ZCCHC7: variants seen among roughly 807,000 people sequenced by gnomAD.
ZCCHC7 encodes zinc finger CCHC domain-containing protein 7.
Under a neutral mutation model 52.0 loss-of-function variants are expected in ZCCHC7, and 35 were observed. The observed-to-expected ratio is 0.67, with a 90% confidence interval of 0.51 to 0.89. ZCCHC7 has a LOEUF of 0.89. ZCCHC7 is among the 40% of genes least tolerant of loss of function. The pLI, the probability that ZCCHC7 is intolerant of heterozygous loss-of-function variation, is 0.00. For synonymous variants in ZCCHC7, 217 were observed against 221.5 expected (o/e 0.98, Z 0.18); for missense variants, 574 against 649.1 (o/e 0.88, Z 1.26).
intron 2 of ZCCHC7, among the ~76,000 whole-genome samples, chr9:37,182,583 C>G (rs62535713): frequency 0.14 from 21,669 of 152,026 alleles, 1,776 homozygotes; most frequent in Non-Finnish European, 0.17. Context: ...TGAGGCTGGT[C>G]TCAAACTCCT....
chr9:37,136,099 C>T (rs560186272), intron 2 of ZCCHC7, among the ~76,000 whole-genome samples: 168 of 152,030 alleles, frequency 1.1e-3, no homozygotes, highest in Non-Finnish European at 2.1e-3. Flanking sequence ...GCTGATATAT[C>T]TACTTATCTC....
rs1824474559 is a variant in ZCCHC7, at chr9:37,215,869, A to G, written c.611-86319A>G. The stretch of plus-strand genomic sequence containing the variant: ...ACACATATAAATCAATTTGTAATTG[A>G]TTTAATTGTGTGTGTATATTTTTAA... On this transcript the variant is annotated intron_variant, in intron 2 of 8. Transcript: ENST00000336755. 2.0e-5 allele frequency among the ~76,000 whole-genome samples: 3 copies of G among 152,184 alleles called. No homozygotes were observed. In the South Asian group the frequency reaches 6.2e-4, roughly 32 times the overall value.
chr9:37,330,502 T>A (rs834356), intron 6 of ZCCHC7, among the ~76,000 whole-genome samples: 85,492 of 151,206 alleles, frequency 0.57, 24,821 homozygotes, highest in African/African-American at 0.7. Context: ...AATGATTCTA[T>A]AATTATATAA....
intron 5 of ZCCHC7, among the ~76,000 whole-genome samples, chr9:37,311,832 C>T (rs1030139790): frequency 3.9e-5 from 6 of 152,128 alleles, no homozygotes; most frequent in African/African-American, 1.4e-4. Flanking sequence ...TTAACATACA[C>T]GTGAGTGCTC....
At chr9:37,335,103 T>C (rs1210801815) in intron 6 of ZCCHC7, among the ~76,000 whole-genome samples, 1 of 152,178 alleles carries the variant, frequency 6.6e-6, no homozygotes, top group Non-Finnish European at 1.5e-5. Context: ...TTTCTTTACA[T>C]TGATTTGTGG....
chr9:37,217,909 G>A (rs1383252343), intron 2 of ZCCHC7, among the ~76,000 whole-genome samples: 1 of 152,110 alleles, frequency 6.6e-6, no homozygotes, highest in Admixed American at 6.5e-5. Flanking sequence ...TGAATATTCT[G>A]TTTGGAAATT....
chr9:37,292,757 A>G (rs1564232476), intron 2 of ZCCHC7, among the ~76,000 whole-genome samples: 2 of 152,208 alleles, frequency 1.3e-5, no homozygotes, highest in Non-Finnish European at 2.9e-5. Flanking sequence ...GTATTTTAGT[A>G]TTTTTAGAGT....
intron 5 of ZCCHC7, chr9:37,326,980 A>G (rs780120141): frequency 3.3e-5 from 5 of 152,126 alleles, no homozygotes; most frequent in Admixed American, 6.6e-5. Flanking sequence ...TAAACTGATC[A>G]ACTATACATA....
intron 2 of ZCCHC7, among the ~76,000 whole-genome samples, chr9:37,271,314 T>C (rs913847329): frequency 2.0e-5 from 3 of 152,182 alleles, no homozygotes; most frequent in Admixed American, 6.5e-5. Context: ...CTCTACAGGA[T>C]ATCACTTCAT....
intron 2 of ZCCHC7, among the ~76,000 whole-genome samples, chr9:37,195,282 T>A (rs1416153452): frequency 6.6e-6 from 1 of 152,176 alleles, no homozygotes; most frequent in African/African-American, 2.4e-5. Context: ...AGATCCCTTA[T>A]AAGTGCATCC....
At chr9:37,204,188 T>C (rs1823784637) in intron 2 of ZCCHC7, among the ~76,000 whole-genome samples, 1 of 152,218 alleles carries the variant, frequency 6.6e-6, no homozygotes, top group Non-Finnish European at 1.5e-5. Context: ...TTAAGTTCTT[T>C]GTAAATTCTG....
At chr9:37,178,996 G>C (rs1822205771) in intron 2 of ZCCHC7, among the ~76,000 whole-genome samples, 10 of 152,064 alleles carry the variant, frequency 6.6e-5, no homozygotes, top group Admixed American at 5.9e-4. Flanking sequence ...GTGTTTGACT[G>C]TCTATTCTTG....
At chr9:37,175,569 C>G (rs2133011328) in intron 2 of ZCCHC7, among the ~76,000 whole-genome samples, 1 of 152,124 alleles carries the variant, frequency 6.6e-6, no homozygotes, top group African/African-American at 2.4e-5. Flanking sequence ...CAGCCCATCT[C>G]TACTAAAAAT....
At chr9:37,210,851 G>A (rs890605294) in intron 2 of ZCCHC7, among the ~76,000 whole-genome samples, 4 of 152,078 alleles carry the variant, frequency 2.6e-5, no homozygotes, top group African/African-American at 9.7e-5. Context: ...TTTAAAATAG[G>A]GCTCTATAAC....
Position 37,357,140 on chromosome 9 carries a change from C to G in ZCCHC7, c.1504C>G (p.His502Asp). Residue 502 changes from histidine (H) to aspartate (D), a missense_variant, in exon 9 of 9, where the codon CAC (histidine) becomes GAC (aspartate). Around this residue, in one of 3 missense-constraint regions of ZCCHC7, gnomAD observed 168 missense variants for 171.6 expected, o/e 0.98. Transcript: ENST00000336755. ...SKPFHRSSHY[H>D]TSREDKSPKE... ...GCCCTTTCACCGTTCATCACATTAC[C>G]ACACGTCAAGAGAAGACAAGTCTCC... 1 of 1,613,410 alleles carries G rather than the reference C, an allele frequency of 6.2e-7. No individual in the cohort carries two copies. Among genetic ancestry groups the G allele is most frequent in the South Asian group, 1.1e-5 (1 of 91,060 alleles).
At chr9:37,281,027 T>G (rs1478566674) in intron 2 of ZCCHC7, among the ~76,000 whole-genome samples, 1 of 152,188 alleles carries the variant, frequency 6.6e-6, no homozygotes, top group African/African-American at 2.4e-5. Flanking sequence ...GTTACAAGTT[T>G]CTTAACATTT....
intron 2 of ZCCHC7, among the ~76,000 whole-genome samples, chr9:37,270,932 C>G (rs1315259788): frequency 3.3e-5 from 5 of 152,114 alleles, no homozygotes; most frequent in African/African-American, 1.2e-4. Flanking sequence ...TATATAGTGT[C>G]AATTATATGA....
Position 37,181,494 on chromosome 9 carries a change from A to C in ZCCHC7, c.610+54552A>C, listed in dbSNP as rs7860789. Among the ~76,000 whole-genome samples the C allele has an allele frequency of 2.6e-3, 398 of 152,368 alleles. 2 individuals carry two copies. Among genetic ancestry groups the C allele is most frequent in the African/African-American group, 9.0e-3 (375 of 41,590 alleles). On this transcript the variant is annotated intron_variant, in intron 2 of 8. Coordinates refer to ENST00000336755, the MANE Select transcript of ZCCHC7 (RefSeq NM_032226.3). ...TATATCCATCAGTTGATAAATTGAC[A>C]TACAAAATGTGGTATATTCTTAAAA... is the stretch of plus-strand genomic sequence containing the variant.
chr9:37,153,152 C>G (rs1820623159), intron 2 of ZCCHC7, among the ~76,000 whole-genome samples: 1 of 150,276 alleles, frequency 6.7e-6, no homozygotes, highest in Non-Finnish European at 1.5e-5. Flanking sequence ...TTTTTATTTA[C>G]TATTATTATT....
Sources: allele counts gnomAD v4.1 joint callset (sites outside exome capture counted in the v4.1 genomes callset), GRCh38; gene constraint gnomAD v4.1.1; regional missense constraint gnomAD v4.1.1; transcripts MANE v1.5; gene names NCBI Gene and HGNC (gene_info 2026-07-23, HGNC 2026-07-21).